The following ANKRD13A variants were observed in gnomAD, a reference collection of about 807,000 sequenced individuals.
ANKRD13A encodes the protein ankyrin repeat domain-containing protein 13A.
In ANKRD13A, 48 loss-of-function variants were observed where a neutral mutation model predicts 81.3. That is an observed-to-expected ratio of 0.59 (90% CI 0.47 to 0.75). The LOEUF is 0.75. Ranked by LOEUF, ANKRD13A falls within the 30% of genes least tolerant of loss-of-function variation. The pLI, the probability that ANKRD13A is intolerant of heterozygous loss-of-function variation, is 0.00. For missense variants in ANKRD13A, 612 were observed against 734.0 expected, an observed-to-expected ratio of 0.83 and a Z score of 1.92; for synonymous variants, 230 against 270.1, an observed-to-expected ratio of 0.85 and a Z score of 1.45.
chr12:110,027,812 C>T, intron 9 of ANKRD13A, 46 bp downstream of exon 9: 1 of 1,595,088 alleles, frequency 6.3e-7, no homozygotes. Flanking sequence ...TGAAAGGAAA[C>T]AACTTGTCTG....
At chr12:110,005,763 C>T (rs764465672) in intron 1 of ANKRD13A, among the ~76,000 whole-genome samples, 2 of 152,052 alleles carry the variant, frequency 1.3e-5, no homozygotes, top group African/African-American at 4.8e-5. Flanking sequence ...TTTGGGTTGT[C>T]GCCACTTTTT....
At chr12:110,011,918 T>C in intron 1 of ANKRD13A, 87 bp from the exon 2 acceptor site, 1 of 1,347,472 alleles carries the variant, frequency 7.4e-7, no homozygotes, top group Non-Finnish European at 1.0e-6. Context: ...TGTTTTCTAT[T>C]TTTTGTACTT....
intron 6 of ANKRD13A, among the ~76,000 whole-genome samples, chr12:110,022,729 G>A (rs1313383568): frequency 6.6e-6 from 1 of 152,218 alleles, no homozygotes; most frequent in Non-Finnish European, 1.5e-5. Flanking sequence ...CGATTTTCTG[G>A]TATTAATGAT....
chr12:110,001,542 C>T (rs376341927), intron 1 of ANKRD13A, among the ~76,000 whole-genome samples: 109 of 151,436 alleles, frequency 7.2e-4, no homozygotes, highest in African/African-American at 2.5e-3. Context: ...CGGGTTCCAG[C>T]GATTCTCCTG....
chr12:110,026,331 T>G (rs1891323847), intron 8 of ANKRD13A, among the ~76,000 whole-genome samples: 1 of 151,258 alleles, frequency 6.6e-6, no homozygotes, highest in African/African-American at 2.4e-5. Flanking sequence ...CCCAACACTT[T>G]GGGAGGCCAA....
Position 109,999,560 on chromosome 12 carries a change from C to T in ANKRD13A, c.-129C>T, listed in dbSNP as rs1889830770. 1.5e-6 allele frequency: 1 copy of T among 651,308 alleles called. No homozygotes were observed. The highest frequency in any genetic ancestry group is 2.2e-6 in the Non-Finnish European group (1 of 455,636). 40.3% of individuals were successfully genotyped at this position (651,308 alleles called of 1,614,324 possible). On this transcript the variant is annotated 5_prime_UTR_variant, in exon 1 of 15. Transcript: ENST00000261739. This position sits in a 1 kb window ranked among gnomAD's most constrained non-coding sequence, Gnocchi z 4.3. ...GCGCCCCGCACCCGACCGGCTCAGC[C>T]GGCCGGCAGCGTAACACGCCCTACG...
intron 6 of ANKRD13A, chr12:110,021,262 T>C (rs1891062494): frequency 5.3e-6 from 2 of 379,794 alleles, no homozygotes; most frequent in South Asian, 1.9e-5. Context: ...TTAGGATTGA[T>C]ACCAGCTACG....
In ANKRD13A at chr12:110,019,176, C is replaced by G. The variant is rs1328840456; in HGVS notation, c.582C>G (p.Asp194Glu). The G allele has an allele frequency of 6.2e-7, 1 of 1,608,426 alleles. No individual in the cohort carries two copies. The highest frequency in any genetic ancestry group is 8.5e-7 in the Non-Finnish European group (1 of 1,176,584). Reference sequence around the variant, plus strand: ...AGTTAATGGAAGTCAACCATGATGACAAAGTGGTCACCACCGAACGCTTCG... The same window carrying G: ...AGTTAATGGAAGTCAACCATGATGAGAAAGTGGTCACCACCGAACGCTTCG... The part of the protein sequence containing the change: ...WAELMEVNHD[D>E]KVVTTERFDL... The change falls in exon 6 of 15, where the codon GAC becomes GAG. Residue 194 changes from aspartate (D) to glutamate (E), a missense_variant. By Grantham distance (45) the Asp-to-Glu change is conservative. Coordinates refer to ENST00000261739, the MANE Select transcript of ANKRD13A (RefSeq NM_033121.2).
intron 3 of ANKRD13A, 60 bp downstream of exon 3, chr12:110,013,309 G>A (rs868159120): frequency 1.3e-6 from 2 of 1,595,930 alleles, no homozygotes; most frequent in African/African-American, 1.3e-5. Flanking sequence ...AATTACTGGA[G>A]ACACAGTTTG....
intron 1 of ANKRD13A, among the ~76,000 whole-genome samples, chr12:110,006,025 C>T (rs1370349939): frequency 2.0e-5 from 3 of 152,158 alleles, no homozygotes; most frequent in Non-Finnish European, 4.4e-5. Flanking sequence ...CCATGTTGGC[C>T]AGGCTGGTCT....
rs1891558545 is a variant in ANKRD13A, at chr12:110,029,589, A to G, written c.1188A>G (p.Arg396=). The change falls in exon 11 of 15, where the codon AGA becomes AGG. Residue 396 remains arginine (R), a synonymous_variant. Coordinates refer to ENST00000261739, the MANE Select transcript of ANKRD13A (RefSeq NM_033121.2). Reference sequence around the variant, plus strand: ...CGAGTGCTCATTTTGCAAGACTGAGAGATTTCATCAAATTGGAATTCCCAC... The same window carrying G: ...CGAGTGCTCATTTTGCAAGACTGAGGGATTTCATCAAATTGGAATTCCCAC... ...ARTSAHFARL[R]DFIKLEFPPG... 6.8e-6 allele frequency: 11 copies of G among 1,613,866 alleles called. No individual in the cohort carries two copies. The highest frequency in any genetic ancestry group is 7.6e-6 in the Non-Finnish European group (9 of 1,179,762).
chr12:110,033,709 C>CT, intron 12 of ANKRD13A, 88 bp from the exon 13 acceptor site: 85 of 1,271,880 alleles, frequency 6.7e-5, no homozygotes, highest in South Asian at 1.9e-4. Context: ...TTGAGCCTTT[C>CT]TTTTTTTTCT....
chr12:110,001,872 CATTTA>C (rs980320213), intron 1 of ANKRD13A, among the ~76,000 whole-genome samples: 1 of 152,202 alleles, frequency 6.6e-6, no homozygotes, highest in African/African-American at 2.4e-5. Context: ...GTATACTGAT[CATTTA>C]ATTCCTTTTC....
At chr12:110,029,433 A>T in intron 10 of ANKRD13A, 45 bp from the exon 11 acceptor site, 1 of 1,593,462 alleles carries the variant, frequency 6.3e-7, no homozygotes, top group Non-Finnish European at 8.6e-7. Context: ...TCCTTTTCCC[A>T]TCTGGTGGAG....
At position 110,030,731 on chromosome 12, in the gene ANKRD13A, A is replaced by G; in HGVS notation, c.1321A>G (p.Asn441Asp). Residue 441 changes from asparagine to aspartate, a missense_variant, in exon 12 of 15, where the codon AAT (asparagine) becomes GAT (aspartate). Asn to Asp is a conservative substitution (Grantham distance 23). Coordinates refer to ENST00000261739, the MANE Select transcript of ANKRD13A (RefSeq NM_033121.2). The part of the protein sequence containing the change: ...CSTAEESVSQ[N>D]VEGTQADSAS... ...CACTGCCGAAGAATCTGTATCTCAA[A>G]ATGTGGAAGGGACCCAGGCTGATTC... 1 of 1,607,990 alleles carries G rather than the reference A, an allele frequency of 6.2e-7. No homozygotes were observed. The highest frequency in any genetic ancestry group is 2.2e-5 in the East Asian group (1 of 44,682).
intron 13 of ANKRD13A, 59 bp downstream of exon 13, chr12:110,034,016 C>T (rs1891869850): frequency 6.8e-7 from 1 of 1,465,968 alleles, no homozygotes. Context: ...TCTGGGTTAG[C>T]CTCAGTGTTT....
At chr12:110,014,407 A>G (rs1239582707) in intron 3 of ANKRD13A, among the ~76,000 whole-genome samples, 2 of 152,192 alleles carry the variant, frequency 1.3e-5, no homozygotes, top group East Asian at 3.8e-4. Flanking sequence ...GCGAGACTCC[A>G]TCTCAAAAAA....
chr12:110,027,138 G>A (rs1228456942), intron 8 of ANKRD13A: 1 of 152,506 alleles, frequency 6.6e-6, no homozygotes, highest in Non-Finnish European at 1.5e-5. Flanking sequence ...CATTGCATGT[G>A]GTTGCCACAT....
At chr12:110,035,668 C>T (rs1891999725) in intron 13 of ANKRD13A, among the ~76,000 whole-genome samples, 1 of 151,904 alleles carries the variant, frequency 6.6e-6, no homozygotes, top group African/African-American at 2.4e-5. Context: ...CAGGCTGATC[C>T]CAAACTCCAG....
Sources: gnomAD v4.1 joint callset for allele counts (sites outside exome capture counted in the v4.1 genomes callset) on GRCh38, gnomAD v4.1.1 for gene constraint, Gnocchi (gnomAD v3.1) non-coding constraint, MANE v1.5 for transcripts, NCBI Gene and HGNC (gene_info 2026-07-23, HGNC 2026-07-21) for gene names.